Variants in ARID3A observed in about 807,000 individuals in gnomAD.
ARID3A encodes AT-rich interaction domain 3A, also known as AT-rich interactive domain-containing protein 3A.
Under a neutral mutation model 52.7 loss-of-function variants are expected in ARID3A, and 11 were observed. The observed-to-expected ratio is 0.21, with a 90% CI of 0.13 to 0.35. The LOEUF is 0.35. Ranked by LOEUF, ARID3A falls within the 10% of genes least tolerant of loss-of-function variation. The pLI, the probability that ARID3A is intolerant of heterozygous loss-of-function variation, is 1.00. For synonymous variants in ARID3A, 404 were observed against 359.4 expected, an observed-to-expected ratio of 1.12 and a Z score of -1.40; for missense variants, 721 against 838.5, an observed-to-expected ratio of 0.86 and a Z score of 1.73.
chr19:935,737 G>A (rs1180614675), intron 3 of ARID3A, among the ~76,000 whole-genome samples: 1 of 151,492 alleles, frequency 6.6e-6, no homozygotes, highest in Non-Finnish European at 1.5e-5. Flanking sequence ...CCAAAGTGCT[G>A]GGATTACAGG....
chr19:968,197 A>G lies in ARID3A; in HGVS notation c.1496-208A>G, dbSNP rs533131056. 5.2e-4 allele frequency among the ~76,000 whole-genome samples: 79 copies of G among 151,742 alleles called. No homozygotes were observed. The East Asian group carries it at 5.8e-3, about 11-fold the overall frequency. Reference sequence around the variant, plus strand: ...AACATGGTGAAACCCCATCTCTACTAAAAATACAAAAAATTAGCCAGGCGT... The same window carrying G: ...AACATGGTGAAACCCCATCTCTACTGAAAATACAAAAAATTAGCCAGGCGT... On this transcript the variant is annotated intron_variant, in intron 7 of 8. Coordinates refer to ENST00000263620, the MANE Select transcript of ARID3A (RefSeq NM_005224.3).
Position 929,786 on chromosome 19 carries a change from A to G in ARID3A, c.258A>G (p.Pro86=). The G allele has an allele frequency of 1.3e-6, 2 of 1,549,686 alleles. No individual in the cohort carries two copies. Among genetic ancestry groups the G allele is most frequent in the Non-Finnish European group, 1.7e-6 (2 of 1,151,808 alleles). ...ASPGGSEDGP[P]GSEEEDAARE... ...CCGGCGGCTCTGAGGATGGGCCCCC[A>G]GGCTCGGAGGAGGAGGACGCGGCCC... Residue 86 remains proline (P), a synonymous_variant, in exon 2 of 9, where the codon CCA becomes CCG. Transcript: ENST00000263620. The surrounding 1 kb of genome is among the most constrained non-coding windows in gnomAD (Gnocchi z 6.2).
At chr19:946,958 A>T (rs1165395159) in intron 3 of ARID3A, among the ~76,000 whole-genome samples, 1 of 139,052 alleles carries the variant, frequency 7.2e-6, no homozygotes, top group Non-Finnish European at 1.6e-5. Flanking sequence ...TGCCTGGCTA[A>T]TTTTTTTTTT....
At chr19:954,420 C>T (rs1387883852) in intron 3 of ARID3A, among the ~76,000 whole-genome samples, 3 of 152,252 alleles carry the variant, frequency 2.0e-5, no homozygotes, top group African/African-American at 7.2e-5. Context: ...CCCAGGCCTG[C>T]CCTGTGGCCC....
At chr19:955,236 C>T (rs1027066929) in intron 3 of ARID3A, among the ~76,000 whole-genome samples, 2 of 152,200 alleles carry the variant, frequency 1.3e-5, no homozygotes, top group South Asian at 2.1e-4. Context: ...CCTGGGGCCT[C>T]GGCCAGCTGG....
At position 975,327 on chromosome 19, in the gene ARID3A, A is replaced by G; in HGVS notation, c.*3262A>G. On this transcript the variant is annotated 3_prime_UTR_variant, in exon 9 of 9. Coordinates refer to ENST00000263620, the MANE Select transcript of ARID3A (RefSeq NM_005224.3). ...TTCTGGAACCTTCCGTGGGACCCGT[A>G]AGTGGCTGTCCAGAAAGGCGGGAGG... The G allele has an allele frequency of 4.4e-6, 1 of 227,090 alleles. No individual in the cohort carries two copies. The highest frequency in any genetic ancestry group is 5.7e-5 in the Admixed American group (1 of 17,614). The allele number at this position is 227,090 out of a possible 1,614,324, so 14.1% of individuals were successfully genotyped here.
intron 6 of ARID3A, 28 bp from the exon 7 acceptor site, chr19:966,544 C>A: frequency 6.6e-7 from 1 of 1,506,300 alleles, no homozygotes; most frequent in Non-Finnish European, 8.9e-7. Flanking sequence ...CCCCTCCTGG[C>A]CACCAATTCC....
intron 3 of ARID3A, among the ~76,000 whole-genome samples, chr19:945,506 G>A (rs894393268): frequency 1.3e-5 from 2 of 152,198 alleles, no homozygotes; most frequent in Non-Finnish European, 2.9e-5. Flanking sequence ...CCTGGAGCGG[G>A]CAGAGCCTTG....
rs1276245312 is a variant in ARID3A at position 938,473 on chromosome 19, C to G, written c.693+5731C>G. Among the ~76,000 whole-genome samples, 1 of 152,136 alleles carries G rather than the reference C, an allele frequency of 6.6e-6. No individual in the cohort carries two copies. The highest frequency in any genetic ancestry group is 1.5e-5 in the Non-Finnish European group (1 of 68,030). Reference sequence around the variant, plus strand: ...GACTTGTGCACAGTCGCCCGGGGGACGTGTCAGAGCTGGAATTTGACCCCC... The same window carrying G: ...GACTTGTGCACAGTCGCCCGGGGGAGGTGTCAGAGCTGGAATTTGACCCCC... On this transcript the variant is annotated intron_variant, in intron 3 of 8. Transcript: ENST00000263620. The surrounding 1 kb of genome is among the most constrained non-coding windows in gnomAD (Gnocchi z 4.0).
rs368720844 is a variant in ARID3A at position 972,013 on chromosome 19, C to T, written c.1730C>T (p.Pro577Leu). Reference protein sequence around the residue: ...NTGTSGGQAGPAGLSTPSTST... With the variant: ...NTGTSGGQAGLAGLSTPSTST... ...GGAACCAGCGGCGGCCAGGCTGGGC[C>T]AGCGGGGCTGTCCACACCCTCCACA... The change falls in exon 9 of 9, where the codon CCA (proline) becomes CTA (leucine). Residue 577 changes from proline (P) to leucine (L), a missense_variant. Coordinates refer to ENST00000263620, the MANE Select transcript of ARID3A (RefSeq NM_005224.3). 1.6e-5 allele frequency: 26 copies of T among 1,598,630 alleles called. No individual in the cohort carries two copies. The highest frequency in any genetic ancestry group is 2.2e-5 in the Non-Finnish European group (26 of 1,173,606).
At chr19:948,533 G>A (rs1013322468) in intron 3 of ARID3A, among the ~76,000 whole-genome samples, 3 of 151,950 alleles carry the variant, frequency 2.0e-5, no homozygotes, top group African/African-American at 4.8e-5. Context: ...AGACTGGGGC[G>A]CGAGACTCCA....
chr19:934,387 G>A (rs1365427731), intron 3 of ARID3A, among the ~76,000 whole-genome samples: 1 of 152,238 alleles, frequency 6.6e-6, no homozygotes, highest in Non-Finnish European at 1.5e-5. Flanking sequence ...TGACCCCACA[G>A]CCCGCAGCAT....
chr19:945,013 GTC>G (rs1241448095), intron 3 of ARID3A, among the ~76,000 whole-genome samples: 1 of 152,012 alleles, frequency 6.6e-6, no homozygotes, highest in East Asian at 1.9e-4. Flanking sequence ...GTGGCTGGGC[GTC>G]TCTGCCCTAG....
rs1475525347 is a variant in ARID3A, at chr19:974,438, G to C, written c.*2373G>C. 4.3e-6 allele frequency: 1 copy of C among 231,034 alleles called. No individual in the cohort carries two copies. Among genetic ancestry groups the C allele is most frequent in the Non-Finnish European group, 8.6e-6 (1 of 116,738 alleles). The allele number at this position is 231,034 out of a possible 1,614,324, so 14.3% of individuals were successfully genotyped here. A position where few individuals can be genotyped will look rare whatever the true frequency, so the allele number is the denominator to read the frequency against. ...AACCACCTGGACTCTGTCCGTGTCT[G>C]TCCCCCGGCCTCCAGGGCTCCTCTC... On this transcript the variant is annotated 3_prime_UTR_variant, in exon 9 of 9. Coordinates refer to ENST00000263620, the MANE Select transcript of ARID3A (RefSeq NM_005224.3).
At chr19:950,864 C>G (rs1349286476) in intron 3 of ARID3A, among the ~76,000 whole-genome samples, 1 of 151,956 alleles carries the variant, frequency 6.6e-6, no homozygotes, top group African/African-American at 2.4e-5. Context: ...CTCTTGTTTC[C>G]CAGGCTGGAG....
rs1041700940 is a variant in ARID3A, at chr19:932,490, CGAGGATGAG to C, written c.447_455del (p.Asp149_Glu151del). 8 of 1,568,894 alleles carry C rather than the reference CGAGGATGAG, an allele frequency of 5.1e-6. No homozygotes were observed. The highest frequency in any genetic ancestry group is 5.2e-6 in the Non-Finnish European group (6 of 1,163,562). On this transcript the variant is annotated inframe_deletion, in exon 3 of 9. Transcript: ENST00000263620. ...ATGAGGAGGAGGAGGAGGAGGATTA[CGAGGATGAG>C]GAGGAGGAGGAGGACGAGGAGGGGC...
In ARID3A at chr19:960,027, G is replaced by A; in HGVS notation, c.694-65G>A. ...CCTCCTGACCTGGCCTCCAGTGCAGGAGGGACATGGTTCCCACACCTGAGC... is the reference window on the plus strand; with the variant it reads ...CCTCCTGACCTGGCCTCCAGTGCAGAAGGGACATGGTTCCCACACCTGAGC... On this transcript the variant is annotated intron_variant, in intron 3 of 8. Coordinates refer to ENST00000263620, the MANE Select transcript of ARID3A (RefSeq NM_005224.3). This position sits in a 1 kb window ranked among gnomAD's most constrained non-coding sequence, Gnocchi z 4.3. 6.9e-7 allele frequency: 1 copy of A among 1,458,630 alleles called. No individual in the cohort carries two copies. Among genetic ancestry groups the A allele is most frequent in the Non-Finnish European group, 9.5e-7 (1 of 1,050,730 alleles). The allele number at this position is 1,458,630 out of a possible 1,614,324, so 90.4% of individuals were successfully genotyped here. A position where few individuals can be genotyped will look rare whatever the true frequency, so the allele number is the denominator to read the frequency against.
At chr19:930,077 A>C (rs2037289460) in intron 2 of ARID3A, among the ~76,000 whole-genome samples, 181 bp downstream of exon 2, 1 of 152,128 alleles carries the variant, frequency 6.6e-6, no homozygotes, top group Admixed American at 6.6e-5. Flanking sequence ...CAGCCTGGGC[A>C]ACATAGCAAG....
intron 6 of ARID3A, 198 bp downstream of exon 6, chr19:965,278 C>T (rs1018250448): frequency 1.6e-6 from 1 of 626,166 alleles, no homozygotes; most frequent in African/African-American, 1.8e-5. Context: ...TAATTCCACA[C>T]AGGTGGCAGG....
Sources: allele counts gnomAD v4.1 joint callset (sites outside exome capture counted in the v4.1 genomes callset), GRCh38; gene constraint gnomAD v4.1.1; non-coding constraint Gnocchi (gnomAD v3.1); transcripts MANE v1.5; gene names NCBI Gene and HGNC (gene_info 2026-07-23, HGNC 2026-07-21).